Variants in HK1 observed in about 807,000 individuals in gnomAD.
HK1 encodes hexokinase 1.
In HK1, 28 loss-of-function variants were observed where a neutral mutation model predicts 91.6. That is an observed-to-expected ratio of 0.31 (90% CI 0.23 to 0.42). HK1 has a LOEUF of 0.42. Among genes scored for constraint, HK1 ranks in the 10% least tolerant of loss-of-function variants. The pLI is 1.00. For synonymous variants in HK1, 430 were observed against 468.1 expected (o/e 0.92, Z 1.05); for missense variants, 770 against 1,219.8 (o/e 0.63, Z 5.49).
chr10:69,315,800 G>A (rs193254377), upstream of HK1: 320 of 748,010 alleles, frequency 4.3e-4, no homozygotes, highest in South Asian at 7.9e-4. Flanking sequence ...TTGCATGAGG[G>A]GTTGGGGGTG....
chr10:69,328,600 C>T (rs1589492275), intron 1 of HK1, among the ~76,000 whole-genome samples: 1 of 152,210 alleles, frequency 6.6e-6, no homozygotes, highest in Non-Finnish European at 1.5e-5. Flanking sequence ...TCAGCCTCAT[C>T]AAGGCTGATG....
At chr10:69,345,573 C>T (rs1214559306) in intron 2 of HK1, among the ~76,000 whole-genome samples, 1 of 152,102 alleles carries the variant, frequency 6.6e-6, no homozygotes, top group South Asian at 2.1e-4. Context: ...GTATGGGCAG[C>T]ACCCAGGAGA....
intron 1 of HK1, among the ~76,000 whole-genome samples, chr10:69,277,043 A>C (rs1357306436): frequency 6.6e-6 from 1 of 152,038 alleles, no homozygotes; most frequent in Admixed American, 6.6e-5. Context: ...TTTGACGGAG[A>C]GATATTATGT....
At position 69,384,570 on chromosome 10, in the gene HK1, G is replaced by A. The variant is rs932165498; in HGVS notation, c.1719+89G>A. The A allele has an allele frequency of 2.0e-6, 3 of 1,536,706 alleles. No individual in the cohort carries two copies. The African/African-American group carries it at 4.1e-5, about 21-fold the overall frequency. On this transcript the variant is annotated intron_variant, in intron 11 of 17. Coordinates refer to ENST00000359426, the MANE Select transcript of HK1 (RefSeq NM_000188.3). ...TGATGACCAAAATCCGCCACGGGGT[G>A]CCCACATGGATTTGTGTCCTTGTGG...
intron 4 of HK1, chr10:69,295,760 A>C (rs915648882): frequency 1.1e-6 from 1 of 943,124 alleles, no homozygotes; most frequent in African/African-American, 1.6e-5. Flanking sequence ...CCTTTGGGAT[A>C]ATGATTTTCA....
In HK1 at chr10:69,336,673, C is replaced by T. The variant is rs1848008694; in HGVS notation, c.64-7154C>T. Among the ~76,000 whole-genome samples the T allele has an allele frequency of 2.2e-5, 3 of 139,354 alleles. No individual in the cohort carries two copies. In the South Asian group the frequency reaches 6.8e-4, roughly 31 times the overall value. The allele number at this position is 139,354 out of a possible 152,430, so 91.4% of individuals were successfully genotyped here. The stretch of plus-strand genomic sequence containing the variant: ...TTTTTTTTTTGAGATGGATTCTCGC[C>T]TTGTTGCCCAGGCTGGAGTGCAGTG... On this transcript the variant is annotated intron_variant, in intron 1 of 17. Transcript: ENST00000359426.
Position 69,401,387 on chromosome 10 carries a change from C to G in HK1, c.*252C>G. 3.4e-6 allele frequency: 2 copies of G among 581,920 alleles called. No individual in the cohort carries two copies. Among genetic ancestry groups the G allele is most frequent in the East Asian group, 2.9e-5 (1 of 34,212 alleles). 36.0% of individuals were successfully genotyped at this position (581,920 alleles called of 1,614,324 possible). On this transcript the variant is annotated 3_prime_UTR_variant, in exon 18 of 18. Coordinates refer to ENST00000359426, the MANE Select transcript of HK1 (RefSeq NM_000188.3). ...ATGGTTTGATTTTGACCTGGTCCCC[C>G]ACGTGTGAAGTGTAGTGGCATCCAT... is the stretch of plus-strand genomic sequence containing the variant.
At chr10:69,322,720 G>A (rs61058481) in intron 1 of HK1, among the ~76,000 whole-genome samples, 5 of 151,674 alleles carry the variant, frequency 3.3e-5, no homozygotes, top group South Asian at 2.1e-4. Context: ...GAGAAACCCC[G>A]TCTCTACTAA....
intron 2 of HK1, among the ~76,000 whole-genome samples, chr10:69,359,238 G>T (rs2132759531): frequency 6.6e-6 from 1 of 152,288 alleles, no homozygotes; most frequent in East Asian, 1.9e-4. Context: ...AGGGTGAGGG[G>T]AAATGGAAAT....
chr10:69,302,504 A>G (rs553683733), intron 5 of HK1, among the ~76,000 whole-genome samples: 2 of 151,212 alleles, frequency 1.3e-5, no homozygotes, highest in Admixed American at 6.6e-5. Flanking sequence ...CCTCCCAGGT[A>G]TAATAATTTT....
chr10:69,332,385 T>TTTCTTTCTTTCTTTCTTTCTTTC (rs1589497802), intron 1 of HK1, among the ~76,000 whole-genome samples: 34 of 133,434 alleles, frequency 2.5e-4, no homozygotes, highest in South Asian at 1.5e-3. Flanking sequence ...TTCTTTCTTT[T>TTTCTTTCTTTCTTTCTTTCTTTC]TTTCTTTTTT....
Position 69,327,202 on chromosome 10 carries a change from G to C in HK1, c.63+8192G>C, listed in dbSNP as rs1847434663. 2.0e-5 allele frequency among the ~76,000 whole-genome samples: 3 copies of C among 151,906 alleles called. No homozygotes were observed. The South Asian group carries it at 6.2e-4, about 32-fold the overall frequency. The stretch of plus-strand genomic sequence containing the variant: ...GACGGGGTTTCACCATGTTGGTCAG[G>C]CTGGTCTCAAAATCCTGACCTCAAG... On this transcript the variant is annotated intron_variant, in intron 1 of 17. Transcript: ENST00000359426.
Position 69,401,333 on chromosome 10 carries a change from A to G in HK1, c.*198A>G. ...GCTGTTGATAATATCTCTCACCCGGATCCCTCCTCACTTGCCCTGCCACTT... is the reference window on the plus strand; with the variant it reads ...GCTGTTGATAATATCTCTCACCCGGGTCCCTCCTCACTTGCCCTGCCACTT... On this transcript the variant is annotated 3_prime_UTR_variant, in exon 18 of 18. Coordinates refer to ENST00000359426, the MANE Select transcript of HK1 (RefSeq NM_000188.3). The G allele has an allele frequency of 3.1e-6, 2 of 646,372 alleles. No homozygotes were observed. Among genetic ancestry groups the G allele is most frequent in the Non-Finnish European group, 5.4e-6 (2 of 372,674 alleles). 40.0% of individuals were successfully genotyped at this position (646,372 alleles called of 1,614,324 possible).
At chr10:69,344,931 G>C (rs1280428858) in intron 2 of HK1, among the ~76,000 whole-genome samples, 1 of 152,106 alleles carries the variant, frequency 6.6e-6, no homozygotes, top group East Asian at 1.9e-4. Flanking sequence ...GGGGTTGTGA[G>C]TACACGACCA....
chr10:69,356,239 A>G (rs1849119263), intron 2 of HK1, among the ~76,000 whole-genome samples: 1 of 152,192 alleles, frequency 6.6e-6, no homozygotes, highest in African/African-American at 2.4e-5. Context: ...CATTTGAGAC[A>G]GCCTGGGCAA....
intron 4 of HK1, among the ~76,000 whole-genome samples, chr10:69,366,774 C>T (rs1454971443): frequency 1.3e-5 from 2 of 152,166 alleles, no homozygotes; most frequent in African/African-American, 4.8e-5. Flanking sequence ...ACAAGTTTCC[C>T]TTGGCTTTTG....
chr10:69,351,720 C>T (rs74183643), intron 2 of HK1, among the ~76,000 whole-genome samples: 20,330 of 152,110 alleles, frequency 0.13, 1,545 homozygotes, highest in South Asian at 0.27. Context: ...GATTCAAATG[C>T]TGACTCTGCC....
intron 4 of HK1, among the ~76,000 whole-genome samples, chr10:69,299,114 AT>A (rs1380931457): frequency 1.3e-5 from 2 of 150,624 alleles, no homozygotes; most frequent in Admixed American, 6.6e-5. Context: ...CTATGTTTTT[AT>A]TTTTTTTAAA....
At chr10:69,290,409 C>CA (rs1316933129) in intron 3 of HK1, among the ~76,000 whole-genome samples, 1 of 152,210 alleles carries the variant, frequency 6.6e-6, no homozygotes, top group Admixed American at 6.5e-5. Flanking sequence ...GAGTAGCTTA[C>CA]AATGCCCTCT....
Sources: gnomAD v4.1 joint callset for allele counts (sites outside exome capture counted in the v4.1 genomes callset) on GRCh38, gnomAD v4.1.1 for gene constraint, MANE v1.5 for transcripts, NCBI Gene and HGNC (gene_info 2026-07-23, HGNC 2026-07-21) for gene names.